Variants in FSTL4 observed in about 807,000 individuals in gnomAD.
The protein encoded by FSTL4 is follistatin-related protein 4.
Under a neutral mutation model 78.2 loss-of-function variants are expected in FSTL4, and 28 were observed. The observed-to-expected ratio is 0.36, with a 90% CI of 0.27 to 0.49. The LOEUF (loss-of-function observed/expected upper bound fraction) is 0.49. Ranked by LOEUF, FSTL4 falls within the 20% of genes least tolerant of loss-of-function variation. The pLI, the probability that FSTL4 is intolerant of heterozygous loss-of-function variation, is 0.98. For missense variants in FSTL4, 922 were observed against 1,084.9 expected, an observed-to-expected ratio of 0.85 and a Z score of 2.11; for synonymous variants, 422 against 440.5, an observed-to-expected ratio of 0.96 and a Z score of 0.53.
chr5:133,368,781 G>A (rs1561689078), intron 4 of FSTL4, among the ~76,000 whole-genome samples: 1 of 152,192 alleles, frequency 6.6e-6, no homozygotes, highest in Non-Finnish European at 1.5e-5. Flanking sequence ...CCTTGGCCTT[G>A]CTGTCAGATG....
intron 3 of FSTL4, among the ~76,000 whole-genome samples, chr5:133,417,279 G>T (rs75029031): frequency 0.011 from 1,712 of 151,930 alleles, 26 homozygotes; most frequent in African/African-American, 0.039. Context: ...GCAGAAAAAG[G>T]GATCAATGAA....
intron 4 of FSTL4, among the ~76,000 whole-genome samples, chr5:133,395,598 C>T (rs1756010134): frequency 1.3e-5 from 2 of 152,228 alleles, no homozygotes; most frequent in Admixed American, 6.5e-5. Context: ...GCTTGGCACA[C>T]AAGGCCTTTC....
At chr5:133,632,685 T>TG in the FSTL4 span, among the ~76,000 whole-genome samples, 1 of 152,130 alleles carries the variant, frequency 6.6e-6, no homozygotes, top group African/African-American at 2.4e-5. Context: ...GTTTGTTTTT[T>TG]TTGTTGTTGT....
intron 14 of FSTL4, among the ~76,000 whole-genome samples, chr5:133,207,186 C>T (rs775390742): frequency 1.3e-5 from 2 of 152,108 alleles, no homozygotes; most frequent in Non-Finnish European, 2.9e-5. Context: ...ATTCAATTTT[C>T]CTGTCATCTT....
chr5:133,459,251 C>G (rs140010339), intron 3 of FSTL4, among the ~76,000 whole-genome samples: 1 of 152,216 alleles, frequency 6.6e-6, no homozygotes, highest in Non-Finnish European at 1.5e-5. Context: ...GCAAACCCAC[C>G]GACAGTCCCC....
chr5:133,451,876 A>C (rs1359895074), intron 3 of FSTL4, among the ~76,000 whole-genome samples: 1 of 152,230 alleles, frequency 6.6e-6, no homozygotes, highest in Admixed American at 6.5e-5. Context: ...CCAAGGGAAG[A>C]GAGCATCGAG....
intron 3 of FSTL4, among the ~76,000 whole-genome samples, chr5:133,566,628 C>A (rs1046051361): frequency 2.0e-5 from 3 of 152,166 alleles, no homozygotes; most frequent in Non-Finnish European, 2.9e-5. Flanking sequence ...GAAAGTAACA[C>A]CCATATATGT....
rs546532252 is a variant in FSTL4 at position 133,298,962 on chromosome 5, C to A, written c.727+13692G>T. On this transcript the variant is annotated intron_variant, in intron 6 of 15. Transcript: ENST00000265342. ...CCCCTGGGATGAGGGCTACTCCCTG[C>A]AGCCTGGGCATCTTGGTAGACATTT... Among the ~76,000 whole-genome samples the A allele has an allele frequency of 2.6e-5, 4 of 152,366 alleles. No homozygotes were observed. The East Asian group carries it at 5.8e-4, about 22-fold the overall frequency.
intron 4 of FSTL4, chr5:133,334,173 G>C (rs1460401915): frequency 6.6e-6 from 1 of 152,244 alleles, no homozygotes; most frequent in Non-Finnish European, 1.5e-5. Context: ...AACTGATAAA[G>C]CATCTGAATC....
At chr5:133,683,947 T>A in the FSTL4 span, among the ~76,000 whole-genome samples, 1 of 152,072 alleles carries the variant, frequency 6.6e-6, no homozygotes, top group African/African-American at 2.4e-5. Flanking sequence ...TAATTGCTGC[T>A]GCGTGTAGCT....
the FSTL4 span, among the ~76,000 whole-genome samples, chr5:133,794,637 A>T: frequency 1.4e-3 from 209 of 152,330 alleles, no homozygotes; most frequent in African/African-American, 4.8e-3. Context: ...CCTATTACAT[A>T]AAACCTGACA....
intron 13 of FSTL4, 37 bp from the exon 14 acceptor site, chr5:133,210,335 A>G (rs185160145): frequency 5.8e-6 from 7 of 1,210,356 alleles, no homozygotes; most frequent in Non-Finnish European, 8.6e-6. Flanking sequence ...GAAAGCTGAC[A>G]TGATGGTCAT....
chr5:133,674,753 A>T, the FSTL4 span, among the ~76,000 whole-genome samples: 4 of 152,208 alleles, frequency 2.6e-5, no homozygotes, highest in African/African-American at 7.2e-5. Flanking sequence ...AATTGAATAC[A>T]TCAGTGCAAT....
the FSTL4 span, among the ~76,000 whole-genome samples, chr5:133,762,090 C>A: frequency 6.6e-6 from 1 of 152,100 alleles, no homozygotes; most frequent in African/African-American, 2.4e-5. Flanking sequence ...CTCTGGGAGG[C>A]AAGAACACAA....
At chr5:133,298,698 C>CTGA (rs1753463995) in intron 6 of FSTL4, among the ~76,000 whole-genome samples, 1 of 152,234 alleles carries the variant, frequency 6.6e-6, no homozygotes, top group South Asian at 2.1e-4. Context: ...AGCCATGGTG[C>CTGA]TGATTCATGT....
At chr5:133,407,401 C>T (rs964099914) in intron 3 of FSTL4, among the ~76,000 whole-genome samples, 3 of 152,224 alleles carry the variant, frequency 2.0e-5, no homozygotes, top group Admixed American at 6.5e-5. Context: ...CAAACTCAAC[C>T]GGTGAGCACA....
chr5:133,804,902 C>T, the FSTL4 span, among the ~76,000 whole-genome samples: 6 of 139,510 alleles, frequency 4.3e-5, no homozygotes, highest in African/African-American at 1.6e-4. Flanking sequence ...CAAATCGTGC[C>T]ACTGCACTCC....
rs114458270 is a variant in FSTL4, at chr5:133,270,887, G to A, written c.728-21311C>T. Among the ~76,000 whole-genome samples, 268 of 152,328 alleles carry A rather than the reference G, an allele frequency of 1.8e-3. 1 individual carries two copies. The highest frequency in any genetic ancestry group is 6.3e-3 in the African/African-American group (263 of 41,556). ...ATAATCCGCTGTGCCATCTGGAAAG[G>A]ACGAGTTTAATAACTCACAATGGGC... On this transcript the variant is annotated intron_variant, in intron 6 of 15. Transcript: ENST00000265342.
At chr5:133,763,236 CT>C in the FSTL4 span, among the ~76,000 whole-genome samples, 1 of 152,224 alleles carries the variant, frequency 6.6e-6, no homozygotes, top group Non-Finnish European at 1.5e-5. Flanking sequence ...GGATAGGCCA[CT>C]GGCCATGTTT....
Sources: allele counts gnomAD v4.1 joint callset (sites outside exome capture counted in the v4.1 genomes callset), GRCh38; gene constraint gnomAD v4.1.1; transcripts MANE v1.5; gene names NCBI Gene and HGNC (gene_info 2026-07-23, HGNC 2026-07-21).